The following CNTN5 variants were observed in gnomAD, a reference collection of about 807,000 sequenced individuals.
CNTN5 encodes the protein contactin 5.
Under a neutral mutation model 129.1 loss-of-function variants are expected in CNTN5, and 77 were observed. That is an observed-to-expected ratio of 0.60 (90% CI 0.50 to 0.72). The LOEUF is 0.72. Among genes scored for constraint, CNTN5 ranks in the 30% least tolerant of loss-of-function variants. The probability of loss-of-function intolerance (pLI) is 0.00; values close to 1 mark genes in which losing one functional copy is unlikely to be tolerated. For missense variants in CNTN5, 1,478 were observed against 1,328.8 expected (o/e 1.11, Z -1.75); for synonymous variants, 509 against 465.6 (o/e 1.09, Z -1.20).
In CNTN5 at chr11:100,284,974, T is replaced by A. The variant is rs1049675053; in HGVS notation, c.2315-12651T>A. Among the ~76,000 whole-genome samples, 24 of 152,188 alleles carry A rather than the reference T, an allele frequency of 1.6e-4. 1 individual carries two copies. Among genetic ancestry groups the A allele is most frequent in the Non-Finnish European group, 4.4e-5 (3 of 68,032 alleles). On this transcript the variant is annotated intron_variant, in intron 18 of 24. Transcript: ENST00000524871. ...GCAGGGTGGACATAGGCAGGAAGTA[T>A]GTCATTTAAGGCTTGAATTTCTCAC... is the stretch of plus-strand genomic sequence containing the variant.
chr11:100,156,523 A>G (rs901606664), intron 13 of CNTN5, among the ~76,000 whole-genome samples: 37 of 152,070 alleles, frequency 2.4e-4, no homozygotes, highest in South Asian at 8.3e-4. Flanking sequence ...TCATAAAATG[A>G]GTTAGGGAAG....
chr11:100,035,682 A>T (rs1482365453), intron 9 of CNTN5, among the ~76,000 whole-genome samples: 1 of 146,720 alleles, frequency 6.8e-6, no homozygotes, highest in Non-Finnish European at 1.5e-5. Context: ...GTGAGATGGT[A>T]TCTCATTGTG....
At chr11:99,346,137 C>T (rs1504739) in intron 2 of CNTN5, among the ~76,000 whole-genome samples, 151,962 of 152,300 alleles carry the variant, frequency 1, 75,814 homozygotes, top group Middle Eastern at 1. Context: ...CTTTTTCACT[C>T]CACATTATGT....
chr11:100,184,579 A>C (rs1353205306), intron 13 of CNTN5, among the ~76,000 whole-genome samples: 1 of 152,156 alleles, frequency 6.6e-6, no homozygotes, highest in African/African-American at 2.4e-5. Flanking sequence ...ATGAACTTGG[A>C]AGCAGCTTCC....
chr11:99,874,579 T>G (rs1029303650), intron 6 of CNTN5, among the ~76,000 whole-genome samples: 1 of 152,206 alleles, frequency 6.6e-6, no homozygotes, highest in Admixed American at 6.5e-5. Flanking sequence ...GTTGGTGATA[T>G]TCTAATCTAT....
At chr11:100,244,666 C>A (rs910227333) in intron 16 of CNTN5, among the ~76,000 whole-genome samples, 1 of 152,066 alleles carries the variant, frequency 6.6e-6, no homozygotes, top group African/African-American at 2.4e-5. Flanking sequence ...CTTTGTTGAA[C>A]TTTGTGGTCA....
intron 1 of CNTN5, among the ~76,000 whole-genome samples, chr11:99,285,730 A>G (rs977945708): frequency 2.0e-5 from 3 of 152,130 alleles, no homozygotes; most frequent in Admixed American, 2.0e-4. Context: ...CATAGTAATG[A>G]AAAATGCATA....
At chr11:99,811,758 C>A (rs890774911) in intron 3 of CNTN5, among the ~76,000 whole-genome samples, 2 of 152,088 alleles carry the variant, frequency 1.3e-5, no homozygotes, top group African/African-American at 4.8e-5. Flanking sequence ...GGTGTGAGAG[C>A]ACCAGGTTAA....
chr11:99,072,199 G>A (rs1865366523), intron 1 of CNTN5, among the ~76,000 whole-genome samples: 1 of 151,946 alleles, frequency 6.6e-6, no homozygotes, highest in African/African-American at 2.4e-5. Flanking sequence ...TGATGAAATT[G>A]TTGAGTTGTC....
At chr11:100,036,399 C>T (rs535740324) in intron 9 of CNTN5, among the ~76,000 whole-genome samples, 82 of 151,702 alleles carry the variant, frequency 5.4e-4, no homozygotes, top group African/African-American at 1.2e-3. Context: ...AGTCAGGTAG[C>T]GTGATGCCTC....
intron 2 of CNTN5, among the ~76,000 whole-genome samples, chr11:99,359,007 C>A (rs2082954420): frequency 6.6e-6 from 1 of 152,168 alleles, no homozygotes; most frequent in South Asian, 2.1e-4. Context: ...TTCAGTGTTA[C>A]ATTTCTTGTT....
At chr11:99,472,537 C>G (rs990645275) in intron 2 of CNTN5, among the ~76,000 whole-genome samples, 2 of 152,160 alleles carry the variant, frequency 1.3e-5, no homozygotes, top group African/African-American at 4.8e-5. Context: ...TCAACACTTA[C>G]TGTTGTGCGT....
At chr11:100,045,494 G>A (rs1174587579) in intron 9 of CNTN5, among the ~76,000 whole-genome samples, 1 of 152,042 alleles carries the variant, frequency 6.6e-6, no homozygotes, top group African/African-American at 2.4e-5. Context: ...TAAAAATCTA[G>A]ATTTAAGAAA....
chr11:99,955,754 C>T (rs939659651), intron 7 of CNTN5, among the ~76,000 whole-genome samples: 2 of 151,740 alleles, frequency 1.3e-5, no homozygotes, highest in Admixed American at 6.6e-5. Context: ...TTAGTAGAGA[C>T]GGGGTTTCAC....
chr11:100,307,237 GA>G lies in CNTN5; in HGVS notation c.2621-1112del, dbSNP rs931626047. Among the ~76,000 whole-genome samples, 564 of 148,382 alleles carry G rather than the reference GA, an allele frequency of 3.8e-3. 4 individuals are homozygous for G. The highest frequency in any genetic ancestry group is 0.012 in the African/African-American group (495 of 40,676). On this transcript the variant is annotated intron_variant, in intron 20 of 24. Coordinates refer to ENST00000524871, the MANE Select transcript of CNTN5 (RefSeq NM_014361.4). ...TCTTTGCTATATGGTTCCATAAATT[GA>G]AAAAAAAAATTCATAGATGAAGCTC...
chr11:99,572,252 G>A (rs747953645), intron 3 of CNTN5, among the ~76,000 whole-genome samples: 1 of 152,134 alleles, frequency 6.6e-6, no homozygotes. Context: ...CATCGCTAAC[G>A]ATAGCTGATG....
intron 4 of CNTN5, among the ~76,000 whole-genome samples, chr11:99,837,356 A>G (rs1947339811): frequency 1.3e-5 from 2 of 152,190 alleles, no homozygotes; most frequent in African/African-American, 2.4e-5. Flanking sequence ...TTGTATTCAC[A>G]TCACATTCTG....
chr11:99,991,239 A>G (rs1371432867), intron 8 of CNTN5, among the ~76,000 whole-genome samples: 1 of 152,282 alleles, frequency 6.6e-6, no homozygotes, highest in East Asian at 1.9e-4. Context: ...AGGCCAAGGC[A>G]GGTGGATCAC....
At chr11:99,840,026 A>T (rs1229468319) in intron 4 of CNTN5, among the ~76,000 whole-genome samples, 2 of 152,152 alleles carry the variant, frequency 1.3e-5, no homozygotes, top group Non-Finnish European at 2.9e-5. Context: ...CTACACCAAG[A>T]CATATCCCTC....
Sources: allele counts gnomAD v4.1 joint callset (sites outside exome capture counted in the v4.1 genomes callset), GRCh38; gene constraint gnomAD v4.1.1; transcripts MANE v1.5; gene names NCBI Gene and HGNC (gene_info 2026-07-23, HGNC 2026-07-21).